The following IFI44 variants were observed in gnomAD, a reference collection of about 807,000 sequenced individuals.
IFI44 encodes the protein interferon-induced protein 44.
A neutral mutation model predicts 45.0 loss-of-function variants in IFI44; 42 were observed. That is an observed-to-expected ratio of 0.93 (90% CI 0.73 to 1.21). The LOEUF (loss-of-function observed/expected upper bound fraction) is 1.21. Ranked by LOEUF, IFI44 falls within the 50% of genes most tolerant of loss-of-function variation. The probability of loss-of-function intolerance (pLI) is 0.00; values close to 1 mark genes in which losing one functional copy is unlikely to be tolerated. For missense variants in IFI44, 623 were observed against 525.8 expected (o/e 1.18, Z -1.81); for synonymous variants, 221 against 188.6 (o/e 1.17, Z -1.41).
chr1:78,657,269 T>A (rs913041296), intron 5 of IFI44, among the ~76,000 whole-genome samples: 6 of 152,086 alleles, frequency 3.9e-5, no homozygotes, highest in African/African-American at 1.4e-4. Flanking sequence ...TCTCTTTGAT[T>A]GTATGTTCTG....
Position 78,662,894 on chromosome 1 carries a change from G to A in IFI44, c.1288+16G>A. 3.1e-6 allele frequency: 5 copies of A among 1,613,262 alleles called. No homozygotes were observed. The highest frequency in any genetic ancestry group is 4.2e-6 in the Non-Finnish European group (5 of 1,179,482). Reference sequence around the variant, plus strand: ...GAGCAAATAGGTAGATGGTTTGGTGGTGTGGAAGCTTGGAAGCGGTCAGGT... The same window carrying A: ...GAGCAAATAGGTAGATGGTTTGGTGATGTGGAAGCTTGGAAGCGGTCAGGT... On this transcript the variant is annotated intron_variant, in intron 8 of 8. Transcript: ENST00000370747.
At chr1:78,653,558 A>G (rs1015785828) in intron 2 of IFI44, among the ~76,000 whole-genome samples, 4 of 152,146 alleles carry the variant, frequency 2.6e-5, no homozygotes, top group Admixed American at 2.0e-4. Context: ...GCTTATCCTT[A>G]TCCTTTCTGT....
chr1:78,653,230 T>C (rs1214221804), intron 2 of IFI44, among the ~76,000 whole-genome samples: 4 of 152,116 alleles, frequency 2.6e-5, no homozygotes, highest in Non-Finnish European at 4.4e-5. Context: ...CTTCTTGCCA[T>C]TAATGAAATG....
chr1:78,650,695 T>C (rs909350291), intron 2 of IFI44, 43 bp downstream of exon 2: 3 of 1,317,734 alleles, frequency 2.3e-6, no homozygotes, highest in Non-Finnish European at 3.1e-6. Context: ...CTCCCTTGCA[T>C]GTTTGGTAGG....
rs201420233 is a variant in IFI44 at position 78,659,282 on chromosome 1, T to G, written c.841-30T>G. On this transcript the variant is annotated intron_variant, in intron 5 of 8. Coordinates refer to ENST00000370747, the MANE Select transcript of IFI44 (RefSeq NM_006417.5). ...TTTGTGCTCATAAATATTTGTTGAA[T>G]TAATATCTTGCTTTATGTCTACCTT... 8.9e-6 allele frequency: 14 copies of G among 1,567,432 alleles called. No homozygotes were observed. In the African/African-American group the frequency reaches 1.9e-4, roughly 21 times the overall value.
In IFI44 at chr1:78,660,564, T is replaced by C. The variant is rs770942439; in HGVS notation, c.1023T>C (p.His341=). The C allele has an allele frequency of 2.5e-6, 4 of 1,612,668 alleles. No individual in the cohort carries two copies. Among genetic ancestry groups the C allele is most frequent in the African/African-American group, 2.7e-5 (2 of 74,874 alleles). ...TTCTGTTTGGCATAGGTGTGGTACA[T>C]GTGGCTTTGCTCACTCATGTGGATA... ...RRELVNAGVV[H]VALLTHVDSM... The change falls in exon 7 of 9, where the codon CAT becomes CAC. Residue 341 remains histidine, a synonymous_variant. Transcript: ENST00000370747.
At chr1:78,660,458 A>G (rs1056208742) in intron 6 of IFI44, 96 bp from the exon 7 acceptor site, 5 of 907,174 alleles carry the variant, frequency 5.5e-6, no homozygotes, top group African/African-American at 5.1e-5. Flanking sequence ...CAAATCTGAA[A>G]TTGTTCCATA....
At chr1:78,657,295 C>CT (rs1557703259) in intron 5 of IFI44, among the ~76,000 whole-genome samples, 2 of 151,958 alleles carry the variant, frequency 1.3e-5, no homozygotes, top group Non-Finnish European at 2.9e-5. Flanking sequence ...ATATCCCTTG[C>CT]TTTTTCCTTA....
intron 2 of IFI44, among the ~76,000 whole-genome samples, 156 bp from the exon 3 acceptor site, chr1:78,654,087 G>T (rs74092057): frequency 3.1e-4 from 47 of 152,214 alleles, no homozygotes; most frequent in African/African-American, 1.1e-3. Flanking sequence ...ATCAGAATTT[G>T]CTCTACAAAA....
chr1:78,655,645 G>A, intron 5 of IFI44, 134 bp downstream of exon 5: 1 of 760,220 alleles, frequency 1.3e-6, no homozygotes, highest in Non-Finnish European at 2.0e-6. Flanking sequence ...TTTTCAAAAA[G>A]AATAAAAACA....
chr1:78,663,028 T>C (rs1647558493), intron 8 of IFI44, 150 bp downstream of exon 8: 1 of 1,495,410 alleles, frequency 6.7e-7, no homozygotes, highest in African/African-American at 1.4e-5. Context: ...CCTGGATGCA[T>C]TTTTCCCTCC....
At chr1:78,661,035 C>A (rs1647419282) in intron 7 of IFI44, among the ~76,000 whole-genome samples, 1 of 152,074 alleles carries the variant, frequency 6.6e-6, no homozygotes, top group Admixed American at 6.5e-5. Context: ...AAGAAAATAA[C>A]CTGTACATGT....
At position 78,663,930 on chromosome 1, in the gene IFI44, G is replaced by A. The variant is rs1647618388; in HGVS notation, c.*119G>A. ...AAGGGATGTGTTTTATTAATGTCTAGGATGAAGAAATGCATAGAACATTGT... is the reference window on the plus strand; with the variant it reads ...AAGGGATGTGTTTTATTAATGTCTAAGATGAAGAAATGCATAGAACATTGT... On this transcript the variant is annotated 3_prime_UTR_variant, in exon 9 of 9. Coordinates refer to ENST00000370747, the MANE Select transcript of IFI44 (RefSeq NM_006417.5). 1.2e-6 allele frequency: 1 copy of A among 835,810 alleles called. No individual in the cohort carries two copies. The highest frequency in any genetic ancestry group is 1.7e-5 in the African/African-American group (1 of 57,892). The allele number at this position is 835,810 out of a possible 1,614,324, so 51.8% of individuals were successfully genotyped here. A position where few individuals can be genotyped will look rare whatever the true frequency, so the allele number is the denominator to read the frequency against.
In IFI44 at chr1:78,662,573, C is replaced by T. The variant is rs920182316; in HGVS notation, c.1114-131C>T. Reference sequence around the variant, plus strand: ...GTTCTTCAAGAGTACTTTGTGAGACCAGATCTCCATTTTTTTCCAATGGGA... The same window carrying T: ...GTTCTTCAAGAGTACTTTGTGAGACTAGATCTCCATTTTTTTCCAATGGGA... On this transcript the variant is annotated intron_variant, in intron 7 of 8. Coordinates refer to ENST00000370747, the MANE Select transcript of IFI44 (RefSeq NM_006417.5). 2.1e-5 allele frequency: 14 copies of T among 671,966 alleles called. No homozygotes were observed. The African/African-American group carries it at 2.4e-4, about 11-fold the overall frequency. The allele number at this position is 671,966 out of a possible 1,614,324, so 41.6% of individuals were successfully genotyped here.
Position 78,655,153 on chromosome 1 carries a change from G to A in IFI44, c.634G>A (p.Gly212Arg). The change falls in exon 4 of 9, where the codon GGG (glycine) becomes AGG (arginine). Residue 212 changes from glycine to arginine, a missense_variant. Gly to Arg is a moderately radical substitution (Grantham distance 125). Coordinates refer to ENST00000370747, the MANE Select transcript of IFI44 (RefSeq NM_006417.5). ...FFNSVRSVFQ[G>R]HVTHQALVGT... ...CAACTCAGTGAGGTCTGTTTTCCAA[G>A]GGCATGTAACGCATCAGGCTTTGGT... The A allele has an allele frequency of 6.2e-7, 1 of 1,613,964 alleles. No individual in the cohort carries two copies. The highest frequency in any genetic ancestry group is 8.5e-7 in the Non-Finnish European group (1 of 1,179,864).
rs373426216 is a variant in IFI44 at position 78,650,329 on chromosome 1, G to A, written c.134G>A (p.Cys45Tyr). The change falls in exon 2 of 9, where the codon TGT becomes TAT. Residue 45 changes from cysteine to tyrosine, a missense_variant. Transcript: ENST00000370747. ...FRNGVLLDRC[C>Y]NQGPTLTVIY... ...AATGGAGTTTTGCTTGACAGATGTT[G>A]TAATCAAGGGCCTACTCTAACAGTG... The A allele has an allele frequency of 6.2e-7, 1 of 1,614,014 alleles. No homozygotes were observed. The highest frequency in any genetic ancestry group is 1.6e-4 in the Middle Eastern group (1 of 6,062).
At chr1:78,662,281 C>T (rs990614471) in intron 7 of IFI44, among the ~76,000 whole-genome samples, 2 of 152,142 alleles carry the variant, frequency 1.3e-5, no homozygotes, top group Non-Finnish European at 2.9e-5. Context: ...TAAACATCTG[C>T]CAACGTTTAT....
At position 78,650,171 on chromosome 1, in the gene IFI44, A is replaced by G; in HGVS notation, c.-10-15A>G. On this transcript the variant is annotated splice_polypyrimidine_tract_variant and intron_variant, in intron 1 of 8. Coordinates refer to ENST00000370747, the MANE Select transcript of IFI44 (RefSeq NM_006417.5). ...TTTTAATATTTAATGGAAAATATAT[A>G]TGATTTGCCACTAGATCAAGAAGTA... is the stretch of plus-strand genomic sequence containing the variant. The G allele has an allele frequency of 6.5e-7, 1 of 1,537,466 alleles. No homozygotes were observed. The highest frequency in any genetic ancestry group is 8.9e-7 in the Non-Finnish European group (1 of 1,129,912).
At chr1:78,650,701 G>C (rs1186022698) in intron 2 of IFI44, 49 bp downstream of exon 2, 1 of 1,286,610 alleles carries the variant, frequency 7.8e-7, no homozygotes, top group Non-Finnish European at 1.1e-6. Context: ...TGCATGTTTG[G>C]TAGGTTTGAA....
Sources: allele counts gnomAD v4.1 joint callset (sites outside exome capture counted in the v4.1 genomes callset), GRCh38; gene constraint gnomAD v4.1.1; transcripts MANE v1.5; gene names NCBI Gene and HGNC (gene_info 2026-07-23, HGNC 2026-07-21).